TNIK: variants seen among roughly 807,000 people sequenced by gnomAD.
TNIK encodes the protein TRAF2 and NCK-interacting protein kinase.
In TNIK, 49 loss-of-function variants were observed where a neutral mutation model predicts 191.3. The ratio of observed to expected loss-of-function variants is 0.26; its 90% CI spans 0.20 to 0.32. The LOEUF is 0.32. Among genes scored for constraint, TNIK ranks in the 10% least tolerant of loss-of-function variants. The pLI is 1.00. For synonymous variants in TNIK, 594 were observed against 600.9 expected (o/e 0.99, Z 0.17); for missense variants, 1,155 against 1,702.3 (o/e 0.68, Z 5.66).
chr3:171,214,361 T>C (rs1044698994), intron 3 of TNIK, among the ~76,000 whole-genome samples: 1 of 152,156 alleles, frequency 6.6e-6, no homozygotes, highest in African/African-American at 2.4e-5. Flanking sequence ...TAAAAAGTTA[T>C]AAGTGAAAAA....
chr3:171,454,684 A>C (rs1340712608), intron 1 of TNIK, among the ~76,000 whole-genome samples: 15 of 152,236 alleles, frequency 9.9e-5, no homozygotes, highest in Admixed American at 9.8e-4. Flanking sequence ...TCTAATGAAA[A>C]AATTGCCATG....
In TNIK at chr3:171,084,466, C is replaced by T. The variant is rs532517649; in HGVS notation, c.2999-141G>A. The T allele has an allele frequency of 1.7e-5, 17 of 1,020,448 alleles. No individual in the cohort carries two copies. The African/African-American group carries it at 2.1e-4, about 13-fold the overall frequency. The allele number at this position is 1,020,448 out of a possible 1,614,324, so 63.2% of individuals were successfully genotyped here. ...AAACTCTGAAACTCTCCTTATTTTA[C>T]ACTTTTTTTTTGTTTTAGTAGAATA... On this transcript the variant is annotated intron_variant, in intron 25 of 32. Transcript: ENST00000436636.
chr3:171,314,383 C>T (rs945485628), intron 2 of TNIK, among the ~76,000 whole-genome samples: 1 of 152,150 alleles, frequency 6.6e-6, no homozygotes, highest in Non-Finnish European at 1.5e-5. Context: ...AAATATGACT[C>T]AATCCTCCAT....
intron 2 of TNIK, among the ~76,000 whole-genome samples, chr3:171,297,043 G>T (rs147405754): frequency 1.3e-5 from 2 of 152,074 alleles, no homozygotes; most frequent in Non-Finnish European, 2.9e-5. Context: ...GTTTACCGCA[G>T]TCCTTGCCTC....
At chr3:171,269,403 A>G (rs910698235) in intron 2 of TNIK, among the ~76,000 whole-genome samples, 1 of 152,280 alleles carries the variant, frequency 6.6e-6, no homozygotes, top group African/African-American at 2.4e-5. Context: ...CTGTTAATCA[A>G]GTAAATACAA....
chr3:171,190,829 G>A (rs988687210), intron 5 of TNIK, 42 bp from the exon 6 acceptor site: 3 of 1,406,410 alleles, frequency 2.1e-6, no homozygotes, highest in African/African-American at 1.4e-5. Flanking sequence ...AGGAACATAA[G>A]CCAAGATGCC....
chr3:171,063,777 A>G lies in TNIK; in HGVS notation c.*104T>C. 1.7e-6 allele frequency: 2 copies of G among 1,175,426 alleles called. No homozygotes were observed. Among genetic ancestry groups the G allele is most frequent in the Middle Eastern group, 2.0e-4 (1 of 5,090 alleles). The allele number at this position is 1,175,426 out of a possible 1,614,324, so 72.8% of individuals were successfully genotyped here. ...GGAAAAAGGGAAAGCGATATGTTCA[A>G]CCAAGCCTTCTGATTCTGCCTCTAG... On this transcript the variant is annotated 3_prime_UTR_variant, in exon 33 of 33. Transcript: ENST00000436636.
intron 2 of TNIK, among the ~76,000 whole-genome samples, chr3:171,337,971 G>A (rs1757126014): frequency 6.6e-6 from 1 of 152,164 alleles, no homozygotes; most frequent in South Asian, 2.1e-4. Flanking sequence ...TAAGCAGAAG[G>A]GAGAGAAGCT....
At chr3:171,211,521 G>C (rs747506893) in intron 3 of TNIK, among the ~76,000 whole-genome samples, 3 of 152,074 alleles carry the variant, frequency 2.0e-5, no homozygotes, top group African/African-American at 7.2e-5. Context: ...AAGAGATCAA[G>C]GTAGAAAGAC....
intron 22 of TNIK, 69 bp downstream of exon 22, chr3:171,101,380 A>G (rs1020949202): frequency 1.3e-6 from 2 of 1,501,592 alleles, no homozygotes; most frequent in African/African-American, 2.8e-5. Context: ...TTTAACTCAT[A>G]TTTTTTTGTC....
intron 2 of TNIK, among the ~76,000 whole-genome samples, chr3:171,350,112 TTAGTTCTTTTGCCTC>T (rs1278518301): frequency 6.6e-6 from 1 of 152,244 alleles, no homozygotes; most frequent in African/African-American, 2.4e-5. Flanking sequence ...AGATTCTTAA[TTAGTTCTTTTGCCTC>T]TGCCAATATT....
chr3:171,277,503 A>G (rs1749894956), intron 2 of TNIK, among the ~76,000 whole-genome samples: 1 of 152,210 alleles, frequency 6.6e-6, no homozygotes, highest in African/African-American at 2.4e-5. Context: ...TTTTGATTAA[A>G]AAAAAAACAA....
intron 4 of TNIK, among the ~76,000 whole-genome samples, chr3:171,204,273 T>C (rs1434820633): frequency 1.3e-5 from 2 of 152,192 alleles, no homozygotes; most frequent in African/African-American, 4.8e-5. Flanking sequence ...TCTGAAGTAG[T>C]TGTATTTCCA....
intron 1 of TNIK, among the ~76,000 whole-genome samples, chr3:171,413,816 A>G (rs1447338063): frequency 6.6e-6 from 1 of 152,190 alleles, no homozygotes; most frequent in Non-Finnish European, 1.5e-5. Flanking sequence ...GCCTTGCCAT[A>G]TTCTAGCTGT....
At chr3:171,301,096 A>G (rs1752824950) in intron 2 of TNIK, among the ~76,000 whole-genome samples, 1 of 152,144 alleles carries the variant, frequency 6.6e-6, no homozygotes, top group South Asian at 2.1e-4. Flanking sequence ...GGAGAAATCT[A>G]GTGGGTACCA....
At chr3:171,365,201 A>G (rs1421752015) in intron 2 of TNIK, among the ~76,000 whole-genome samples, 1 of 25,252 alleles carries the variant, frequency 4.0e-5, no homozygotes, top group African/African-American at 1.0e-4. Context: ...TTTTTTTTTG[A>G]GACAGAGTTT....
chr3:171,309,097 C>T (rs1223551895), intron 2 of TNIK, among the ~76,000 whole-genome samples: 1 of 152,048 alleles, frequency 6.6e-6, no homozygotes, highest in Non-Finnish European at 1.5e-5. Context: ...GACACATGCA[C>T]ATGTTATGAT....
intron 4 of TNIK, among the ~76,000 whole-genome samples, chr3:171,195,488 T>C (rs1738570304): frequency 1.3e-5 from 2 of 152,194 alleles, no homozygotes; most frequent in Admixed American, 6.5e-5. Context: ...GACTTAGTAG[T>C]AGAGACAGAA....
chr3:171,375,955 A>G (rs1717156818), intron 1 of TNIK, among the ~76,000 whole-genome samples: 1 of 152,112 alleles, frequency 6.6e-6, no homozygotes. Flanking sequence ...GGTAAAATAC[A>G]CCCAACAGAA....
Sources: allele counts gnomAD v4.1 joint callset (sites outside exome capture counted in the v4.1 genomes callset), GRCh38; gene constraint gnomAD v4.1.1; transcripts MANE v1.5; gene names NCBI Gene and HGNC (gene_info 2026-07-23, HGNC 2026-07-21).